The following TULP2 variants were observed in gnomAD, a reference collection of about 807,000 sequenced individuals.
TULP2 encodes the protein TUB like protein 2.
In TULP2, 64 loss-of-function variants were observed where a neutral mutation model predicts 60.3. The ratio of observed to expected loss-of-function variants is 1.06; its 90% CI spans 0.87 to 1.31. The LOEUF is 1.31. Among genes scored for constraint, TULP2 ranks in the 50% most tolerant of loss-of-function variants. The pLI is 0.00. For synonymous variants in TULP2, 267 were observed against 265.4 expected (o/e 1.01, Z -0.06); for missense variants, 652 against 667.0 (o/e 0.98, Z 0.25).
chr19:48,890,760 G>T (rs1568573996), intron 6 of TULP2, among the ~76,000 whole-genome samples: 2 of 152,060 alleles, frequency 1.3e-5, no homozygotes, highest in African/African-American at 4.8e-5. Context: ...CCTCCTCCAG[G>T]TGCACGGAAG....
chr19:48,896,536 C>CT lies in TULP2; in HGVS notation c.104dup (p.Gln36AlafsTer16), dbSNP rs2037283850. The CT allele has an allele frequency of 6.2e-7, 1 of 1,602,060 alleles. No individual in the cohort carries two copies. The highest frequency in any genetic ancestry group is 1.1e-5 in the South Asian group (1 of 89,494). On this transcript the variant is annotated frameshift_variant, in exon 4 of 13. Coordinates refer to ENST00000221399, the MANE Select transcript of TULP2 (RefSeq NM_003323.3). LOFTEE classifies it high-confidence loss of function. ...GGAGCTCCTGGCGCTTCTGTCGCTG[C>CT]TTCTTTTCAAACAGCCGCCGCTGGG... is the stretch of plus-strand genomic sequence containing the variant.
At position 48,883,965 on chromosome 19, in the gene TULP2, G is replaced by A; in HGVS notation, c.1143C>T (p.Ala381=). ...PDREHLTRNT[A]RIRQELGAVC... ...CAGCCCCCAGCTCCTGTCTGATCCGGGCAGTATTCCTGGTTAAATGCTCCC... is the reference window on the plus strand; with the variant it reads ...CAGCCCCCAGCTCCTGTCTGATCCGAGCAGTATTCCTGGTTAAATGCTCCC... Residue 381 remains alanine, a synonymous_variant, in exon 10 of 13, where the codon GCC becomes GCT. Transcript: ENST00000221399. 1 of 1,614,076 alleles carries A rather than the reference G, an allele frequency of 6.2e-7. No homozygotes were observed. The highest frequency in any genetic ancestry group is 8.5e-7 in the Non-Finnish European group (1 of 1,180,022).
intron 6 of TULP2, among the ~76,000 whole-genome samples, chr19:48,893,917 A>G (rs1377030524): frequency 1.3e-5 from 2 of 152,226 alleles, no homozygotes; most frequent in Non-Finnish European, 2.9e-5. Context: ...TGACGGTTGC[A>G]GAATTATATA....
chr19:48,889,345 TGCAC>T (rs372478890), intron 7 of TULP2, among the ~76,000 whole-genome samples, 161 bp downstream of exon 7: 2,597 of 151,782 alleles, frequency 0.017, 40 homozygotes, highest in African/African-American at 0.045. Context: ...CACACACACA[TGCAC>T]GCACGCACGC....
intron 8 of TULP2, among the ~76,000 whole-genome samples, chr19:48,887,475 C>G (rs2037191706): frequency 6.6e-6 from 1 of 151,574 alleles, no homozygotes; most frequent in Admixed American, 6.6e-5. Flanking sequence ...CAGGCACATA[C>G]CACCATGCCC....
rs1316540959 is a variant in TULP2 at position 48,889,598 on chromosome 19, T to A, written c.548A>T (p.Asp183Val). 6.3e-7 allele frequency: 1 copy of A among 1,585,878 alleles called. No homozygotes were observed. Among genetic ancestry groups the A allele is most frequent in the Non-Finnish European group, 8.6e-7 (1 of 1,157,068 alleles). The change falls in exon 7 of 13, where the codon GAT becomes GTT. Residue 183 changes from aspartate to valine, a missense_variant. Coordinates refer to ENST00000221399, the MANE Select transcript of TULP2 (RefSeq NM_003323.3). ...TRAEGESDSQ[D>V]MGDAHKSPNM... ...GGGTGACTTGTGTGCATCTCCCATA[T>A]CCTGGGAGTCACTCTCACCCTCTGC... is the stretch of plus-strand genomic sequence containing the variant.
chr19:48,894,958 C>T (rs779450742), intron 6 of TULP2, 40 bp downstream of exon 6: 1 of 1,583,728 alleles, frequency 6.3e-7, no homozygotes. Flanking sequence ...CTGCATGAAC[C>T]AGGAGATCCC....
chr19:48,882,948 G>A (rs888984803), intron 11 of TULP2, among the ~76,000 whole-genome samples: 2 of 152,122 alleles, frequency 1.3e-5, no homozygotes, highest in African/African-American at 2.4e-5. Flanking sequence ...TGCCGGGCAC[G>A]GTGGCTCACG....
At chr19:48,894,945 T>C (rs943658066) in intron 6 of TULP2, 53 bp downstream of exon 6, 1 of 1,563,582 alleles carries the variant, frequency 6.4e-7, no homozygotes, top group Non-Finnish European at 8.7e-7. Flanking sequence ...AGGGGAAGAT[T>C]TGCTGCATGA....
chr19:48,892,504 CT>C (rs771083525), intron 6 of TULP2, among the ~76,000 whole-genome samples: 45 of 144,408 alleles, frequency 3.1e-4, no homozygotes, highest in African/African-American at 4.6e-4. Context: ...AACAGTTTTT[CT>C]TTTTTTTTTT....
chr19:48,894,948 C>A, intron 6 of TULP2, 50 bp downstream of exon 6: 1 of 1,566,000 alleles, frequency 6.4e-7, no homozygotes, highest in Non-Finnish European at 8.6e-7. Context: ...GGAAGATTTG[C>A]TGCATGAACC....
In TULP2 at chr19:48,885,576, A is replaced by G; in HGVS notation, c.949-16T>C. On this transcript the variant is annotated splice_polypyrimidine_tract_variant and intron_variant, in intron 8 of 12. Transcript: ENST00000221399. ...GGAGGAAGCGCTATGGATGAGAGGA[A>G]CAGTCCATTAGAATGGACTTCTGGA... The G allele has an allele frequency of 2.5e-6, 4 of 1,609,918 alleles. No individual in the cohort carries two copies. The African/African-American group carries it at 4.0e-5, about 16-fold the overall frequency.
chr19:48,896,464 A>G lies in TULP2; in HGVS notation c.177T>C (p.Ser59=), dbSNP rs986051791. ...CTAAAAGGCGCTCCTCCCGCAGACA[A>G]GAGCGCCAAAGCCACGGGGAAGCGT... ...NPDASPWLWR[S]CLREERLLGD... is the part of the protein sequence containing the mutation. The change falls in exon 4 of 13, where the codon TCT becomes TCC. Residue 59 remains serine (S), a synonymous_variant. Transcript: ENST00000221399. 8 of 1,611,100 alleles carry G rather than the reference A, an allele frequency of 5.0e-6. No individual in the cohort carries two copies. In the African/African-American group the frequency reaches 9.4e-5, roughly 19 times the overall value.
intron 11 of TULP2, among the ~76,000 whole-genome samples, chr19:48,882,941 C>T (rs1034851705): frequency 3.9e-5 from 6 of 152,102 alleles, no homozygotes; most frequent in African/African-American, 1.2e-4. Context: ...AGGTTACTGC[C>T]GGGCACGGTG....
chr19:48,883,717 T>C, intron 11 of TULP2, 37 bp downstream of exon 11: 1 of 1,610,584 alleles, frequency 6.2e-7, no homozygotes, highest in Non-Finnish European at 8.5e-7. Context: ...CAGCCCCTTC[T>C]CCATTGACCC....
rs534558668 is a variant in TULP2 at position 48,895,886 on chromosome 19, GA to G, written c.212-384del. ...AAGAGCTAAACTCCGTCTCAAAAAA[GA>G]AAAAAAAATCACCCTGTTTCGCGGA... On this transcript the variant is annotated intron_variant, in intron 4 of 12. Transcript: ENST00000221399. 5.0e-4 allele frequency among the ~76,000 whole-genome samples: 75 copies of G among 151,162 alleles called. 1 individual carries two copies. The highest frequency in any genetic ancestry group is 1.8e-3 in the African/African-American group (74 of 41,226).
In TULP2 at chr19:48,887,930, G is replaced by C; in HGVS notation, c.948+20C>G. 10 of 1,600,644 alleles carry C rather than the reference G, an allele frequency of 6.2e-6. No homozygotes were observed. The highest frequency in any genetic ancestry group is 8.5e-6 in the Non-Finnish European group (10 of 1,170,078). On this transcript the variant is annotated intron_variant, in intron 8 of 12. Coordinates refer to ENST00000221399, the MANE Select transcript of TULP2 (RefSeq NM_003323.3). ...GAGGTGGGGGCTTACTCCCAAAGCT[G>C]TTGGGCTGGCTTACTGCACCTGCAG...
intron 12 of TULP2, 67 bp from the exon 13 acceptor site, chr19:48,881,193 C>CTTTTTTTTTTTTTTT (rs749458605): frequency 3.5e-6 from 1 of 282,122 alleles, no homozygotes; most frequent in Non-Finnish European, 6.0e-6. Flanking sequence ...AGAACTGAGA[C>CTTTTTTTTTTTTTTT]TTTTTTTTTT....
At chr19:48,893,058 C>T (rs773758554) in intron 6 of TULP2, among the ~76,000 whole-genome samples, 1 of 151,702 alleles carries the variant, frequency 6.6e-6, no homozygotes, top group Non-Finnish European at 1.5e-5. Context: ...GCCTAGGCAA[C>T]ATAGTGACAC....
Sources: allele counts gnomAD v4.1 joint callset (sites outside exome capture counted in the v4.1 genomes callset), GRCh38; gene constraint gnomAD v4.1.1; transcripts MANE v1.5; gene names NCBI Gene and HGNC (gene_info 2026-07-23, HGNC 2026-07-21).